The following NCOA1 variants were observed in gnomAD, a reference collection of about 807,000 sequenced individuals.
NCOA1 encodes the protein nuclear receptor coactivator 1, also known as Hin-2 protein.
Under a neutral mutation model 150.9 loss-of-function variants are expected in NCOA1, and 35 were observed. The observed-to-expected ratio is 0.23, with a 90% CI of 0.18 to 0.31. NCOA1 has a LOEUF of 0.31. Ranked by LOEUF, NCOA1 falls within the 10% of genes least tolerant of loss-of-function variation. The pLI, the probability that NCOA1 is intolerant of heterozygous loss-of-function variation, is 1.00. For missense variants in NCOA1, 1,491 were observed against 1,749.3 expected (o/e 0.85, Z 2.63); for synonymous variants, 590 against 630.0 (o/e 0.94, Z 0.95).
chr2:24,734,001 A>G (rs1048174787), intron 17 of NCOA1, among the ~76,000 whole-genome samples: 1 of 152,034 alleles, frequency 6.6e-6, no homozygotes, highest in African/African-American at 2.4e-5. Context: ...CCTGGCCAAC[A>G]TGGTGAAGCC....
At chr2:24,574,646 CTTTT>C (rs200956627) in intron 2 of NCOA1, among the ~76,000 whole-genome samples, 5,327 of 112,710 alleles carry the variant, frequency 0.047, 132 homozygotes, top group Non-Finnish European at 0.07. Flanking sequence ...ACCTGATAAT[CTTTT>C]TCTTCTGCCT....
intron 5 of NCOA1, among the ~76,000 whole-genome samples, chr2:24,659,910 A>T (rs181712765): frequency 6.6e-6 from 1 of 152,244 alleles, no homozygotes; most frequent in East Asian, 1.9e-4. Context: ...CCTCTAGTTG[A>T]TAATCACTGA....
At chr2:24,617,528 T>C (rs559200351) in intron 3 of NCOA1, among the ~76,000 whole-genome samples, 1 of 152,304 alleles carries the variant, frequency 6.6e-6, no homozygotes, top group South Asian at 2.1e-4. Flanking sequence ...ATTAATGTGT[T>C]AGTGATTCCA....
intron 8 of NCOA1, 86 bp downstream of exon 8, chr2:24,683,214 T>A (rs991168613): frequency 3.9e-6 from 3 of 770,884 alleles, no homozygotes; most frequent in African/African-American, 1.8e-5. Flanking sequence ...TTATTATATT[T>A]ATAATACACA....
chr2:24,756,339 C>T (rs1017169946), intron 20 of NCOA1, among the ~76,000 whole-genome samples: 3 of 152,212 alleles, frequency 2.0e-5, no homozygotes, highest in Non-Finnish European at 4.4e-5. Context: ...AGCATACACA[C>T]TGTGCAGACA....
intron 3 of NCOA1, among the ~76,000 whole-genome samples, chr2:24,630,387 G>C (rs906517743): frequency 6.6e-6 from 1 of 152,236 alleles, no homozygotes; most frequent in Non-Finnish European, 1.5e-5. Flanking sequence ...CTGGTGTGAA[G>C]TTTTATTGTA....
chr2:24,762,973 C>CAT (rs989115643), intron 22 of NCOA1, among the ~76,000 whole-genome samples, 197 bp downstream of exon 22: 4 of 152,166 alleles, frequency 2.6e-5, no homozygotes, highest in Admixed American at 6.5e-5. Flanking sequence ...ACTAACATGA[C>CAT]ACCTGCTTAT....
intron 14 of NCOA1, 68 bp from the exon 15 acceptor site, chr2:24,726,521 T>G (rs909112837): frequency 1.1e-6 from 1 of 934,978 alleles, no homozygotes; most frequent in African/African-American, 1.7e-5. Context: ...CAATATATTA[T>G]TTTTGAAAAT....
Position 24,769,662 on chromosome 2 carries a change from G to A in NCOA1, c.*1271G>A. 4.7e-6 allele frequency: 1 copy of A among 212,830 alleles called. No individual in the cohort carries two copies. The highest frequency in any genetic ancestry group is 2.3e-5 in the African/African-American group (1 of 44,298). The allele number at this position is 212,830 out of a possible 1,614,324, so 13.2% of individuals were successfully genotyped here. On this transcript the variant is annotated 3_prime_UTR_variant, in exon 23 of 23. Transcript: ENST00000348332. ...GTGCAAATATAAATTTCTCTATCCT[G>A]CTCTGAGGCTAATTGGTACCATATT...
chr2:24,630,980 T>A (rs1196159572), intron 3 of NCOA1, among the ~76,000 whole-genome samples: 1 of 152,194 alleles, frequency 6.6e-6, no homozygotes, highest in Admixed American at 6.5e-5. Context: ...TCAAATTTTT[T>A]AAAAATCTTT....
chr2:24,594,797 A>G (rs929648030), intron 3 of NCOA1, among the ~76,000 whole-genome samples: 5 of 152,248 alleles, frequency 3.3e-5, no homozygotes, highest in Admixed American at 2.6e-4. Flanking sequence ...TTGTAGTTCA[A>G]CATACTTAAC....
intron 2 of NCOA1, among the ~76,000 whole-genome samples, chr2:24,572,364 T>G (rs1355326763): frequency 1.3e-5 from 2 of 152,152 alleles, no homozygotes; most frequent in Non-Finnish European, 2.9e-5. Context: ...AAAGAATACT[T>G]GTTTATTGGG....
rs1179005703 is a variant in NCOA1, at chr2:24,729,602, T to C, written c.2988T>C (p.Ser996=). The C allele has an allele frequency of 6.2e-7, 1 of 1,614,192 alleles. No individual in the cohort carries two copies. The highest frequency in any genetic ancestry group is 1.3e-5 in the African/African-American group (1 of 75,044). ...ERPNLYSQPY[S]SPSPTANLPS... The stretch of plus-strand genomic sequence containing the variant: ...CCAACCTTTATTCCCAGCCTTACTC[T>C]TCTCCTTCTCCTACTGCCAATCTCC... The change falls in exon 17 of 23, where the codon TCT becomes TCC. Residue 996 remains serine, a synonymous_variant. Coordinates refer to ENST00000348332, the MANE Select transcript of NCOA1 (RefSeq NM_003743.5).
intron 17 of NCOA1, among the ~76,000 whole-genome samples, chr2:24,736,485 T>C (rs1311788856): frequency 6.6e-6 from 1 of 152,188 alleles, no homozygotes; most frequent in Non-Finnish European, 1.5e-5. Flanking sequence ...TAAGAACCAC[T>C]ATTGATCATC....
At chr2:24,698,426 C>G (rs1451760544) in intron 11 of NCOA1, among the ~76,000 whole-genome samples, 1 of 151,760 alleles carries the variant, frequency 6.6e-6, no homozygotes, top group Non-Finnish European at 1.5e-5. Context: ...AAAAATATAT[C>G]CTATGAAATT....
chr2:24,727,929 A>C (rs1662784007), intron 15 of NCOA1, among the ~76,000 whole-genome samples: 1 of 152,232 alleles, frequency 6.6e-6, no homozygotes. Context: ...AAGGTAAATA[A>C]ATAGAATAAG....
chr2:24,576,413 C>T (rs1666993604), intron 2 of NCOA1, among the ~76,000 whole-genome samples: 1 of 151,980 alleles, frequency 6.6e-6, no homozygotes, highest in Non-Finnish European at 1.5e-5. Flanking sequence ...TCTGTTTAAG[C>T]CCCATCTCCC....
At chr2:24,702,609 T>A (rs375498323) in intron 11 of NCOA1, among the ~76,000 whole-genome samples, 14 of 152,088 alleles carry the variant, frequency 9.2e-5, no homozygotes, top group African/African-American at 3.4e-4. Context: ...AAATAAAAAA[T>A]AAATAAATAA....
intron 1 of NCOA1, among the ~76,000 whole-genome samples, chr2:24,547,988 CAAAAA>C (rs34669959): frequency 2.7e-5 from 2 of 74,916 alleles, no homozygotes; most frequent in East Asian, 3.6e-4. Flanking sequence ...GACTCTGTCT[CAAAAA>C]AAAAAAAAAA....
Sources: gnomAD v4.1 joint callset for allele counts (sites outside exome capture counted in the v4.1 genomes callset) on GRCh38, gnomAD v4.1.1 for gene constraint, MANE v1.5 for transcripts, NCBI Gene and HGNC (gene_info 2026-07-23, HGNC 2026-07-21) for gene names.